The following ADAMTS6 variants were observed in gnomAD, a reference collection of about 807,000 sequenced individuals.
ADAMTS6 encodes ADAM metallopeptidase with thrombospondin type 1 motif 6, also known as A disintegrin and metalloproteinase with thrombospondin motifs 6.
Under a neutral mutation model 144.3 loss-of-function variants are expected in ADAMTS6, and 23 were observed. The ratio of observed to expected loss-of-function variants is 0.16; its 90% CI spans 0.11 to 0.23. The LOEUF (loss-of-function observed/expected upper bound fraction) is 0.23. Among genes scored for constraint, ADAMTS6 ranks in the 10% least tolerant of loss-of-function variants. The pLI is 1.00. For missense variants in ADAMTS6, 999 were observed against 1,379.6 expected (o/e 0.72, Z 4.37); for synonymous variants, 444 against 457.5 (o/e 0.97, Z 0.38).
intron 7 of ADAMTS6, among the ~76,000 whole-genome samples, chr5:65,352,726 A>C (rs1444779928): frequency 4.6e-5 from 7 of 152,084 alleles, no homozygotes; most frequent in Non-Finnish European, 7.4e-5. Flanking sequence ...ATCTCTCATA[A>C]TCCAGTTGTG....
chr5:65,180,772 G>T (rs554516391), intron 22 of ADAMTS6, among the ~76,000 whole-genome samples: 1 of 152,090 alleles, frequency 6.6e-6, no homozygotes, highest in African/African-American at 2.4e-5. Flanking sequence ...TATATGCTTA[G>T]TACCCCACAG....
chr5:65,370,975 C>T (rs1002022344), intron 7 of ADAMTS6, among the ~76,000 whole-genome samples: 14 of 152,210 alleles, frequency 9.2e-5, no homozygotes, highest in African/African-American at 1.4e-4. Context: ...CCCTGACCCC[C>T]GAGCAGCCTA....
intron 7 of ADAMTS6, among the ~76,000 whole-genome samples, chr5:65,444,770 T>C (rs1176725044): frequency 1.4e-5 from 2 of 145,346 alleles, no homozygotes; most frequent in Non-Finnish European, 3.0e-5. Flanking sequence ...TATTAAAGGA[T>C]ACCACATTTT....
rs1752147641 is a variant in ADAMTS6, at chr5:65,151,749, C to T, written c.*87G>A. ...CCACAGGGTAATGCATTTGCAAGGACATCAATCCTCTTCCTCTGGGTGGCT... is the reference window on the plus strand; with the variant it reads ...CCACAGGGTAATGCATTTGCAAGGATATCAATCCTCTTCCTCTGGGTGGCT... On this transcript the variant is annotated 3_prime_UTR_variant, in exon 25 of 25. Coordinates refer to ENST00000381055, the MANE Select transcript of ADAMTS6 (RefSeq NM_197941.4). The T allele has an allele frequency of 7.6e-6, 9 of 1,191,502 alleles. No homozygotes were observed. In the Admixed American group the frequency reaches 1.6e-4, roughly 21 times the overall value. 73.8% of individuals were successfully genotyped at this position (1,191,502 alleles called of 1,614,324 possible).
Position 65,465,278 on chromosome 5 carries a change from TC to T in ADAMTS6, c.463-4941del, listed in dbSNP as rs1392635072. 2.6e-5 allele frequency among the ~76,000 whole-genome samples: 4 copies of T among 152,120 alleles called. No individual in the cohort carries two copies. In the East Asian group the frequency reaches 7.7e-4, roughly 29 times the overall value. On this transcript the variant is annotated intron_variant, in intron 3 of 24. Coordinates refer to ENST00000381055, the MANE Select transcript of ADAMTS6 (RefSeq NM_197941.4). ...AGACATTGCAAAACCTCCTACAAAT[TC>T]CTACAATCACAAATACCCACCTACC...
At chr5:65,202,607 A>C (rs1755805692) in intron 20 of ADAMTS6, among the ~76,000 whole-genome samples, 1 of 152,184 alleles carries the variant, frequency 6.6e-6, no homozygotes, top group African/African-American at 2.4e-5. Flanking sequence ...CTAATAAAAT[A>C]GTGCATTTTC....
chr5:65,364,616 G>T (rs1274582670), intron 7 of ADAMTS6, among the ~76,000 whole-genome samples: 1 of 148,180 alleles, frequency 6.7e-6, no homozygotes, highest in East Asian at 2.0e-4. Flanking sequence ...GCCCAGGCTG[G>T]AGTGCAGTGG....
chr5:65,470,719 T>A lies in ADAMTS6; in HGVS notation c.462+59A>T, dbSNP rs940168685. ...TTTTTTTTTAATCTGAGGAAAGACATTTACATTGCAAAATTCTTATTTTCC... is the reference window on the plus strand; with the variant it reads ...TTTTTTTTTAATCTGAGGAAAGACAATTACATTGCAAAATTCTTATTTTCC... On this transcript the variant is annotated intron_variant, in intron 3 of 24. Transcript: ENST00000381055. 28 of 1,443,890 alleles carry A rather than the reference T, an allele frequency of 1.9e-5. No homozygotes were observed. In the African/African-American group the frequency reaches 4.6e-4, roughly 24 times the overall value. 89.4% of individuals were successfully genotyped at this position (1,443,890 alleles called of 1,614,324 possible). A position where few individuals can be genotyped will look rare whatever the true frequency, so the allele number is the denominator to read the frequency against.
intron 7 of ADAMTS6, among the ~76,000 whole-genome samples, chr5:65,336,804 C>T (rs17229124): frequency 0.015 from 2,328 of 152,108 alleles, 41 homozygotes; most frequent in Non-Finnish European, 0.021. Context: ...TCCACCAAAT[C>T]CTAAGGTTTT....
intron 7 of ADAMTS6, among the ~76,000 whole-genome samples, chr5:65,387,507 C>T (rs967614690): frequency 1.3e-5 from 2 of 152,170 alleles, no homozygotes; most frequent in Admixed American, 1.3e-4. Context: ...TCGTTGTTAA[C>T]TTCAGATTCA....
intron 7 of ADAMTS6, among the ~76,000 whole-genome samples, chr5:65,406,758 T>C (rs1278301589): frequency 6.6e-6 from 1 of 151,866 alleles, no homozygotes; most frequent in Admixed American, 6.6e-5. Flanking sequence ...TAGAATTCAG[T>C]ATAATATTGG....
chr5:65,383,790 A>G (rs989128273), intron 7 of ADAMTS6, among the ~76,000 whole-genome samples: 30 of 151,648 alleles, frequency 2.0e-4, no homozygotes, highest in Non-Finnish European at 4.0e-4. Flanking sequence ...GGGGCCCTCT[A>G]TGGTGACTCC....
intron 17 of ADAMTS6, 79 bp from the exon 18 acceptor site, chr5:65,224,479 T>C: frequency 8.6e-7 from 1 of 1,159,190 alleles, no homozygotes. Context: ...TAGTAATAGT[T>C]TCCTTATTAT....
At chr5:65,199,156 A>T (rs1038468930) in intron 20 of ADAMTS6, among the ~76,000 whole-genome samples, 1 of 152,096 alleles carries the variant, frequency 6.6e-6, no homozygotes, top group Non-Finnish European at 1.5e-5. Context: ...TTCAAACATG[A>T]CTATACTTGA....
chr5:65,415,455 C>A, intron 7 of ADAMTS6: 2 of 176,984 alleles, frequency 1.1e-5, no homozygotes, highest in South Asian at 2.1e-4. Context: ...AGGCCAAGGT[C>A]ATGGCCATGG....
chr5:65,456,030 TCA>T (rs1184069983), intron 4 of ADAMTS6, among the ~76,000 whole-genome samples: 9 of 151,132 alleles, frequency 6.0e-5, no homozygotes, highest in Non-Finnish European at 1.2e-4. Flanking sequence ...AATTATATAT[TCA>T]ATATTTTATA....
At chr5:65,266,307 G>C (rs1459882443) in intron 12 of ADAMTS6, among the ~76,000 whole-genome samples, 3 of 151,876 alleles carry the variant, frequency 2.0e-5, no homozygotes, top group Non-Finnish European at 4.4e-5. Context: ...CACAACAGTA[G>C]TATTTCATAA....
chr5:65,410,407 G>A (rs1754952493), intron 7 of ADAMTS6, among the ~76,000 whole-genome samples: 2 of 152,070 alleles, frequency 1.3e-5, no homozygotes, highest in Admixed American at 6.6e-5. Context: ...TAATTGGCAA[G>A]TAAAAATTAT....
In ADAMTS6 at chr5:65,214,381, A is replaced by G. The variant is rs1189333713; in HGVS notation, c.2575+413T>C. On this transcript the variant is annotated intron_variant, in intron 20 of 24. Transcript: ENST00000381055. This position sits in a 1 kb window ranked among gnomAD's most constrained non-coding sequence, Gnocchi z 4.6. Reference sequence around the variant, plus strand: ...ATTGTGGCAAACACACAGGCACACAAACACACACAACAAGCACACAGCCGT... The same window carrying G: ...ATTGTGGCAAACACACAGGCACACAGACACACACAACAAGCACACAGCCGT... The G allele has an allele frequency of 1.2e-5, 4 of 336,270 alleles. No individual in the cohort carries two copies. Among genetic ancestry groups the G allele is most frequent in the African/African-American group, 6.5e-5 (3 of 46,496 alleles). The allele number at this position is 336,270 out of a possible 1,614,324, so 20.8% of individuals were successfully genotyped here.
Sources: gnomAD v4.1 joint callset for allele counts (sites outside exome capture counted in the v4.1 genomes callset) on GRCh38, gnomAD v4.1.1 for gene constraint, Gnocchi (gnomAD v3.1) non-coding constraint, MANE v1.5 for transcripts, NCBI Gene and HGNC (gene_info 2026-07-23, HGNC 2026-07-21) for gene names.